The following SEMA3E variants were observed in gnomAD, a reference collection of about 807,000 sequenced individuals.
SEMA3E encodes the protein semaphorin-3E.
Under a neutral mutation model 93.6 loss-of-function variants are expected in SEMA3E, and 49 were observed. The ratio of observed to expected loss-of-function variants is 0.52; its 90% confidence interval spans 0.42 to 0.66. The LOEUF is 0.66. Among genes scored for constraint, SEMA3E ranks in the 30% least tolerant of loss-of-function variants. The pLI, the probability that SEMA3E is intolerant of heterozygous loss-of-function variation, is 0.00. For synonymous variants in SEMA3E, 363 were observed against 330.7 expected (o/e 1.10, Z -1.06); for missense variants, 906 against 964.8 (o/e 0.94, Z 0.81).
intron 9 of SEMA3E, among the ~76,000 whole-genome samples, chr7:83,403,463 A>G (rs1788268990): frequency 6.6e-6 from 1 of 151,990 alleles, no homozygotes; most frequent in African/African-American, 2.4e-5. Flanking sequence ...TGACAGTATA[A>G]AGGCAGTAGT....
chr7:83,458,318 AATG>A (rs1184998179), intron 4 of SEMA3E, among the ~76,000 whole-genome samples: 8 of 151,642 alleles, frequency 5.3e-5, no homozygotes, highest in Non-Finnish European at 1.2e-4. Flanking sequence ...TTTCAAAGAA[AATG>A]ATGATAAACT....
chr7:83,433,778 C>A (rs1477456717), intron 4 of SEMA3E, among the ~76,000 whole-genome samples: 1 of 151,988 alleles, frequency 6.6e-6, no homozygotes, highest in Non-Finnish European at 1.5e-5. Context: ...ACATACCGAG[C>A]AAATAAGGTG....
At chr7:83,535,673 G>C (rs930022313) in intron 1 of SEMA3E, among the ~76,000 whole-genome samples, 1 of 152,048 alleles carries the variant, frequency 6.6e-6, no homozygotes, top group Non-Finnish European at 1.5e-5. Flanking sequence ...ATGGCCAAAA[G>C]AAAATGCTTG....
chr7:83,636,719 C>T (rs1236968016), intron 1 of SEMA3E, among the ~76,000 whole-genome samples: 1 of 151,890 alleles, frequency 6.6e-6, no homozygotes, highest in African/African-American at 2.4e-5. Context: ...GTCATGTTCC[C>T]AGTGGAATTA....
chr7:83,474,505 G>T (rs900124254), intron 2 of SEMA3E, among the ~76,000 whole-genome samples: 1 of 152,094 alleles, frequency 6.6e-6, no homozygotes, highest in African/African-American at 2.4e-5. Flanking sequence ...CACAGTTTTG[G>T]CATATAAACT....
At chr7:83,369,407 C>A (rs1320005582) in intron 16 of SEMA3E, among the ~76,000 whole-genome samples, 1 of 152,072 alleles carries the variant, frequency 6.6e-6, no homozygotes, top group East Asian at 1.9e-4. Context: ...ATTTGTGGAA[C>A]AGATGGCAAA....
In SEMA3E at chr7:83,484,652, TCTC is replaced by T. The variant is rs370081573; in HGVS notation, c.276+5459_276+5461del. 2.7e-3 allele frequency among the ~76,000 whole-genome samples: 409 copies of T among 152,272 alleles called. 2 individuals are homozygous for T. Among genetic ancestry groups the T allele is most frequent in the African/African-American group, 8.3e-3 (343 of 41,564 alleles). On this transcript the variant is annotated intron_variant, in intron 2 of 16. Transcript: ENST00000643230. Reference sequence around the variant, plus strand: ...GAAAATATTTTCTTGACCACCCTACTCTCCTCACCAACCTCTACTGTCTTACCT... The same window carrying T: ...GAAAATATTTTCTTGACCACCCTACTCTCACCAACCTCTACTGTCTTACCT...
intron 1 of SEMA3E, among the ~76,000 whole-genome samples, chr7:83,638,743 C>T (rs1013539223): frequency 2.6e-5 from 4 of 152,058 alleles, no homozygotes; most frequent in Non-Finnish European, 4.4e-5. Flanking sequence ...TTTTTTGTAG[C>T]ATCCTTCCAC....
At chr7:83,604,883 T>C (rs577195631) in intron 1 of SEMA3E, among the ~76,000 whole-genome samples, 3 of 152,096 alleles carry the variant, frequency 2.0e-5, no homozygotes, top group South Asian at 4.2e-4. Flanking sequence ...GAACACGTGG[T>C]GTTTGGTTTT....
intron 1 of SEMA3E, among the ~76,000 whole-genome samples, chr7:83,496,508 A>AT (rs199934134): frequency 2.0e-5 from 3 of 151,894 alleles, no homozygotes; most frequent in Admixed American, 6.6e-5. Context: ...ATAATTACAA[A>AT]TTTTTTTTGC....
intron 1 of SEMA3E, among the ~76,000 whole-genome samples, chr7:83,498,867 T>C (rs1790543011): frequency 6.6e-6 from 1 of 152,176 alleles, no homozygotes; most frequent in South Asian, 2.1e-4. Flanking sequence ...ATCTGGACTT[T>C]CCCTCTATTT....
At chr7:83,430,269 A>T (rs1351600909) in intron 4 of SEMA3E, among the ~76,000 whole-genome samples, 1 of 152,132 alleles carries the variant, frequency 6.6e-6, no homozygotes, top group Non-Finnish European at 1.5e-5. Flanking sequence ...GTTCAGGACC[A>T]GCCTAGTCAA....
intron 1 of SEMA3E, among the ~76,000 whole-genome samples, chr7:83,543,846 C>T (rs914606998): frequency 1.3e-5 from 2 of 152,020 alleles, no homozygotes; most frequent in Non-Finnish European, 2.9e-5. Context: ...AGAGAAAACA[C>T]AAGCTAAAAC....
At chr7:83,490,721 A>G (rs976509895) in intron 1 of SEMA3E, among the ~76,000 whole-genome samples, 5 of 152,058 alleles carry the variant, frequency 3.3e-5, no homozygotes, top group African/African-American at 1.2e-4. Context: ...CCAGTCTGCA[A>G]ACTCTCAGTG....
chr7:83,567,817 A>T (rs2115857393), intron 1 of SEMA3E, among the ~76,000 whole-genome samples: 1 of 152,172 alleles, frequency 6.6e-6, no homozygotes, highest in African/African-American at 2.4e-5. Flanking sequence ...ACGATTTTGA[A>T]TAAACAATCT....
intron 1 of SEMA3E, among the ~76,000 whole-genome samples, chr7:83,501,917 A>T (rs902349167): frequency 2.0e-5 from 3 of 152,182 alleles, no homozygotes; most frequent in Non-Finnish European, 4.4e-5. Flanking sequence ...AAGTTTTTCA[A>T]ATATGACTCC....
intron 6 of SEMA3E, among the ~76,000 whole-genome samples, chr7:83,407,919 T>C (rs1182544164): frequency 6.6e-6 from 1 of 152,142 alleles, no homozygotes; most frequent in Non-Finnish European, 1.5e-5. Flanking sequence ...TAAAACTTAC[T>C]TCTTACAAAG....
chr7:83,513,087 G>A (rs1225301681), intron 1 of SEMA3E, among the ~76,000 whole-genome samples: 2 of 152,082 alleles, frequency 1.3e-5, no homozygotes, highest in African/African-American at 2.4e-5. Flanking sequence ...TGATTTTAAC[G>A]AATTACCATT....
intron 1 of SEMA3E, among the ~76,000 whole-genome samples, chr7:83,567,342 C>T (rs1792182320): frequency 6.6e-6 from 1 of 152,096 alleles, no homozygotes; most frequent in South Asian, 2.1e-4. Flanking sequence ...CAACCTTAGA[C>T]AGACTATTTA....
Sources: gnomAD v4.1 joint callset for allele counts (sites outside exome capture counted in the v4.1 genomes callset) on GRCh38, gnomAD v4.1.1 for gene constraint, MANE v1.5 for transcripts, NCBI Gene and HGNC (gene_info 2026-07-23, HGNC 2026-07-21) for gene names.